ACAN: variants seen among roughly 807,000 people sequenced by gnomAD.
The protein encoded by ACAN is aggrecan core protein.
A neutral mutation model predicts 169.1 loss-of-function variants in ACAN; 47 were observed. That is an observed-to-expected ratio of 0.28 (90% CI 0.22 to 0.35). ACAN has a LOEUF of 0.35. ACAN is among the 10% of genes least tolerant of loss of function. The pLI is 1.00. For missense variants in ACAN, 2,716 were observed against 2,759.9 expected (o/e 0.98, Z 0.36); for synonymous variants, 1,115 against 1,112.2 (o/e 1.00, Z -0.05).
Position 88,847,530 on chromosome 15 carries a change from G to T in ACAN, c.1604+113G>T, listed in dbSNP as rs1896825968. ...AGCACCCAATACCTTGTGGGTTAAT[G>T]AATGAATTAGTGACTCAACTGAGGC... On this transcript the variant is annotated intron_variant, in intron 8 of 18. Transcript: ENST00000560601. 4 of 1,248,254 alleles carry T rather than the reference G, an allele frequency of 3.2e-6. No individual in the cohort carries two copies. The South Asian group carries it at 7.0e-5, about 22-fold the overall frequency. 77.3% of individuals were successfully genotyped at this position (1,248,254 alleles called of 1,614,324 possible).
At position 88,843,155 on chromosome 15, in the gene ACAN, T is replaced by C. The variant is rs910188965; in HGVS notation, c.758-200T>C. On this transcript the variant is annotated intron_variant, in intron 5 of 18. Transcript: ENST00000560601. The surrounding 1 kb of genome is among the most constrained non-coding windows in gnomAD (Gnocchi z 4.0). ...CTGCTTCTTTCTTGGTCCCCTTGTTTTAGGAAATTGATGTCATCCTACACA... is the reference window on the plus strand; with the variant it reads ...CTGCTTCTTTCTTGGTCCCCTTGTTCTAGGAAATTGATGTCATCCTACACA... Among the ~76,000 whole-genome samples, 5 of 152,148 alleles carry C rather than the reference T, an allele frequency of 3.3e-5. No individual in the cohort carries two copies. The highest frequency in any genetic ancestry group is 1.2e-4 in the African/African-American group (5 of 41,428).
chr15:88,838,677 C>G lies in ACAN; in HGVS notation c.85C>G (p.Leu29Val). The G allele has an allele frequency of 6.3e-7, 1 of 1,586,350 alleles. No individual in the cohort carries two copies. The highest frequency in any genetic ancestry group is 8.6e-7 in the Non-Finnish European group (1 of 1,164,812). ...TVETSDHDNS[L>V]SVSIPQPSPL... is the part of the protein sequence containing the mutation. ...CTCCCACACAGACCATGACAACTCG[C>G]TGAGTGTCAGCATCCCCCAACCGTC... Residue 29 changes from leucine to valine, a missense_variant, in exon 3 of 19, where the codon CTG (leucine) becomes GTG (valine). Physicochemically the swap from Leu to Val is conservative, Grantham distance 32. This residue lies in a region of ACAN where 1,283 missense variants were observed against 1,281.5 expected (regional missense o/e 1.00). Coordinates refer to ENST00000560601, the MANE Select transcript of ACAN (RefSeq NM_001369268.1). The surrounding 1 kb of genome is among the most constrained non-coding windows in gnomAD (Gnocchi z 5.1).
chr15:88,873,024 A>G lies in ACAN; in HGVS notation c.7446A>G (p.Thr2482=), dbSNP rs774364796. The G allele has an allele frequency of 1.2e-6, 2 of 1,612,572 alleles. No individual in the cohort carries two copies. Among genetic ancestry groups the G allele is most frequent in the Non-Finnish European group, 1.7e-6 (2 of 1,179,322 alleles). Residue 2482 remains threonine, a splice_region_variant and synonymous_variant, in exon 17 of 19, where the codon ACA becomes ACG. Transcript: ENST00000560601. This position sits in a 1 kb window ranked among gnomAD's most constrained non-coding sequence, Gnocchi z 7.5. ...TCCCCTTCACGTGTAAAAAGGGCAC[A>G]GGTAAGCTGGCGCCTGGGAGGGGTC... is the stretch of plus-strand genomic sequence containing the variant. ...YHLPFTCKKG[T]VACGEPPVVE... is the part of the protein sequence containing the mutation.
rs1753398305 is a variant in ACAN, at chr15:88,857,725, G to A, written c.5140G>A (p.Glu1714Lys). 1 of 1,613,990 alleles carries A rather than the reference G, an allele frequency of 6.2e-7. No individual in the cohort carries two copies. ...GRASGLPSGT[E>K]LSGQASGSPD... ...AGCTAGTGGACTCCCTTCAGGAACT[G>A]AACTCAGTGGCCAAGCATCTGGGTC... is the stretch of plus-strand genomic sequence containing the variant. Residue 1714 changes from glutamate (E) to lysine (K), a missense_variant, in exon 12 of 19, where the codon GAA becomes AAA. Glu to Lys is a moderately conservative substitution (Grantham distance 56, BLOSUM62 1). Around this residue, in one of 3 missense-constraint regions of ACAN, gnomAD observed 1,389 missense variants for 1,363.7 expected, o/e 1.02. Coordinates refer to ENST00000560601, the MANE Select transcript of ACAN (RefSeq NM_001369268.1).
At chr15:88,848,112 A>C in intron 9 of ACAN, 74 bp downstream of exon 9, 1 of 1,569,046 alleles carries the variant, frequency 6.4e-7, no homozygotes. Flanking sequence ...GGCGATACAA[A>C]GAAGAGAGGG....
chr15:88,813,313 AGTTTTCT>A (rs1895866104), intron 1 of ACAN, among the ~76,000 whole-genome samples: 1 of 152,202 alleles, frequency 6.6e-6, no homozygotes, highest in African/African-American at 2.4e-5. Flanking sequence ...GAACATCTCC[AGTTTTCT>A]GTCTTTTGAA....
intron 1 of ACAN, among the ~76,000 whole-genome samples, chr15:88,815,540 C>A: frequency 1.5e-5 from 2 of 132,292 alleles, no homozygotes; most frequent in African/African-American, 5.8e-5. Flanking sequence ...GCCTGGGTGA[C>A]AGAGCGAGAC....
Position 88,807,101 on chromosome 15 carries a change from C to T in ACAN, c.-8+3292C>T, listed in dbSNP as rs532541688. Among the ~76,000 whole-genome samples, 23 of 151,894 alleles carry T rather than the reference C, an allele frequency of 1.5e-4. No homozygotes were observed. The highest frequency in any genetic ancestry group is 1.5e-3 in the Admixed American group (23 of 15,280). On this transcript the variant is annotated intron_variant, in intron 1 of 18. Transcript: ENST00000560601. The surrounding 1 kb of genome is among the most constrained non-coding windows in gnomAD (Gnocchi z 4.0). The stretch of plus-strand genomic sequence containing the variant: ...GTCTCAGAAATTTCAGCATTGTGGC[C>T]CTAGGTGGCAGGTGCTGGGGCATCC...
intron 1 of ACAN, among the ~76,000 whole-genome samples, chr15:88,835,584 T>G (rs1896482029): frequency 6.6e-6 from 1 of 152,200 alleles, no homozygotes; most frequent in South Asian, 2.1e-4. Context: ...ATGAAATGAT[T>G]GGAGTAGTTT....
At position 88,857,520 on chromosome 15, in the gene ACAN, C is replaced by T. The variant is rs1170784847; in HGVS notation, c.4935C>T (p.Gly1645=). 1 of 1,613,916 alleles carries T rather than the reference C, an allele frequency of 6.2e-7. No individual in the cohort carries two copies. The highest frequency in any genetic ancestry group is 8.5e-7 in the Non-Finnish European group (1 of 1,179,886). ...GVDLGSGPPS[G]LPDFSGLPSG... ...ACCTTGGAAGTGGCCCACCCTCTGG[C>T]CTGCCTGACTTTAGTGGACTTCCAT... Residue 1645 remains glycine, a synonymous_variant, in exon 12 of 19, where the codon GGC becomes GGT. Coordinates refer to ENST00000560601, the MANE Select transcript of ACAN (RefSeq NM_001369268.1).
In ACAN at chr15:88,841,813, A is replaced by T. The variant is rs759248879; in HGVS notation, c.703A>T (p.Ile235Phe). The change falls in exon 5 of 19, where the codon ATC becomes TTC. Residue 235 changes from isoleucine (I) to phenylalanine (F), a missense_variant. This residue lies in a region of ACAN where 1,283 missense variants were observed against 1,281.5 expected (regional missense o/e 1.00). Transcript: ENST00000560601. ...GTTTCCTGGTGTGAGGACGTATGGC[A>T]TCCGAGACACCAACGAGACCTATGA... ...DEFPGVRTYGIRDTNETYDVY... is the reference protein window; with the variant it reads ...DEFPGVRTYGFRDTNETYDVY... 3.3e-5 allele frequency: 54 copies of T among 1,613,376 alleles called. No homozygotes were observed. The East Asian group carries it at 1.1e-3, about 34-fold the overall frequency.
At chr15:88,847,523 G>A in intron 8 of ACAN, 106 bp downstream of exon 8, 3 of 1,315,242 alleles carry the variant, frequency 2.3e-6, no homozygotes, top group Non-Finnish European at 3.0e-6. Flanking sequence ...ATACCTTGTG[G>A]GTTAATGAAT....
chr15:88,840,866 C>T (rs1293246428), intron 4 of ACAN, among the ~76,000 whole-genome samples: 4 of 152,056 alleles, frequency 2.6e-5, no homozygotes, highest in East Asian at 1.9e-4. Context: ...TGGACTCAGC[C>T]GGGCGCAGTG....
At position 88,817,131 on chromosome 15, in the gene ACAN, G is replaced by GTTTTGT. The variant is rs534464565; in HGVS notation, c.-8+13341_-8+13346dup. Among the ~76,000 whole-genome samples, 444 of 152,146 alleles carry GTTTTGT rather than the reference G, an allele frequency of 2.9e-3. 9 individuals are homozygous for GTTTTGT. The South Asian group carries it at 0.045, about 16-fold the overall frequency. ...TTCTCCTGTGATTGTCTTGAATGTA[G>GTTTTGT]TTTTGTTTTTGTTTTTGTTTTTGTC... On this transcript the variant is annotated intron_variant, in intron 1 of 18. Coordinates refer to ENST00000560601, the MANE Select transcript of ACAN (RefSeq NM_001369268.1).
Position 88,871,965 on chromosome 15 carries a change from G to A in ACAN, c.7220-38G>A, listed in dbSNP as rs746318993. Reference sequence around the variant, plus strand: ...CAAGTTTCTCAGACACCCTCAGGGTGTCCAGTGTGATGCCTGACACCCTCA... The same window carrying A: ...CAAGTTTCTCAGACACCCTCAGGGTATCCAGTGTGATGCCTGACACCCTCA... On this transcript the variant is annotated intron_variant, in intron 15 of 18. Coordinates refer to ENST00000560601, the MANE Select transcript of ACAN (RefSeq NM_001369268.1). This position sits in a 1 kb window ranked among gnomAD's most constrained non-coding sequence, Gnocchi z 7.8. 4.5e-6 allele frequency: 7 copies of A among 1,562,964 alleles called. No homozygotes were observed. Among genetic ancestry groups the A allele is most frequent in the Non-Finnish European group, 6.2e-6 (7 of 1,132,942 alleles).
rs1279117339 is a variant in ACAN at position 88,875,055 on chromosome 15, C to T, written c.*574C>T. The T allele has an allele frequency of 2.4e-5, 4 of 164,958 alleles. No individual in the cohort carries two copies. The highest frequency in any genetic ancestry group is 1.6e-4 in the South Asian group (1 of 6,336). 10.2% of individuals were successfully genotyped at this position (164,958 alleles called of 1,614,324 possible). ...AGAGGGGTGGGTTCCTGCCTCCTGC[C>T]GAGGGTAAGCCGGCAGGAGAGAGCC... On this transcript the variant is annotated 3_prime_UTR_variant, in exon 19 of 19. Coordinates refer to ENST00000560601, the MANE Select transcript of ACAN (RefSeq NM_001369268.1). The surrounding 1 kb of genome is among the most constrained non-coding windows in gnomAD (Gnocchi z 4.8).
intron 13 of ACAN, among the ~76,000 whole-genome samples, chr15:88,862,997 C>CAAAAAAAAAAAAAAAAAA (rs57598410): frequency 1.4e-5 from 1 of 73,808 alleles, no homozygotes; most frequent in Non-Finnish European, 2.9e-5. Flanking sequence ...CACTCGGTCT[C>CAAAAAAAAAAAAAAAAAA]AAAAAAAAAA....
chr15:88,847,167 C>A, intron 7 of ACAN, 76 bp from the exon 8 acceptor site: 1 of 1,401,436 alleles, frequency 7.1e-7, no homozygotes, highest in Admixed American at 2.4e-5. Flanking sequence ...GAGTTGGCCC[C>A]CCTCTGTGCC....
chr15:88,857,753 C>T lies in ACAN; in HGVS notation c.5168C>T (p.Pro1723Leu), dbSNP rs751379789. ...CTCAGTGGCCAAGCATCTGGGTCTC[C>T]TGATGTCAGTGGGGAAATACCTGGA... ...TELSGQASGSPDVSGEIPGLF... is the reference protein window; with the variant it reads ...TELSGQASGSLDVSGEIPGLF... The change falls in exon 12 of 19, where the codon CCT becomes CTT. Residue 1723 changes from proline to leucine, a missense_variant. Pro to Leu is a moderately conservative substitution (Grantham distance 98). Coordinates refer to ENST00000560601, the MANE Select transcript of ACAN (RefSeq NM_001369268.1). The T allele has an allele frequency of 6.2e-7, 1 of 1,613,974 alleles. No homozygotes were observed. The highest frequency in any genetic ancestry group is 8.5e-7 in the Non-Finnish European group (1 of 1,179,900).
Sources: gnomAD v4.1 joint callset for allele counts (sites outside exome capture counted in the v4.1 genomes callset) on GRCh38, gnomAD v4.1.1 for gene constraint, gnomAD v4.1.1 regional missense constraint, Gnocchi (gnomAD v3.1) non-coding constraint, MANE v1.5 for transcripts, NCBI Gene and HGNC (gene_info 2026-07-23, HGNC 2026-07-21) for gene names.